The following WDR27 variants were observed in gnomAD, a reference collection of about 807,000 sequenced individuals.
WDR27 encodes WD repeat-containing protein 27.
WDR27 carries 100 observed loss-of-function variants against 114.4 expected under a neutral mutation model. The ratio of observed to expected loss-of-function variants is 0.87; its 90% CI spans 0.74 to 1.03. The LOEUF (loss-of-function observed/expected upper bound fraction) is 1.03. Among genes scored for constraint, WDR27 ranks in the 50% least tolerant of loss-of-function variants. The probability of loss-of-function intolerance (pLI) is 0.00; values close to 1 mark genes in which losing one functional copy is unlikely to be tolerated. For synonymous variants in WDR27, 449 were observed against 423.1 expected (o/e 1.06, Z -0.75); for missense variants, 1,129 against 1,092.9 (o/e 1.03, Z -0.47).
intron 17 of WDR27, among the ~76,000 whole-genome samples, chr6:169,641,651 A>G (rs376374971): frequency 6.6e-6 from 1 of 152,230 alleles, no homozygotes; most frequent in South Asian, 2.1e-4. Flanking sequence ...GGAGCAGAGC[A>G]GAAGCCACTC....
At chr6:169,573,949 G>C (rs1246069816) in intron 24 of WDR27, among the ~76,000 whole-genome samples, 1 of 152,248 alleles carries the variant, frequency 6.6e-6, no homozygotes, top group South Asian at 2.1e-4. Context: ...ATCTCAGCCA[G>C]GATAATTTAA....
chr6:169,618,661 C>T (rs911864812), intron 21 of WDR27, among the ~76,000 whole-genome samples: 1 of 140,446 alleles, frequency 7.1e-6, no homozygotes, highest in African/African-American at 2.6e-5. Flanking sequence ...ATTATTGATG[C>T]ATGACTAATG....
the WDR27 span, among the ~76,000 whole-genome samples, chr6:169,445,627 G>C: frequency 6.6e-6 from 1 of 152,236 alleles, no homozygotes. Context: ...TTGCCATGGA[G>C]CTTTCCTGTC....
At chr6:169,437,183 G>A in the WDR27 span, among the ~76,000 whole-genome samples, 1 of 152,256 alleles carries the variant, frequency 6.6e-6, no homozygotes, top group Admixed American at 6.5e-5. Flanking sequence ...AGCAAATCAT[G>A]GAGAGTTTAT....
chr6:169,537,704 T>G (rs988754745), intron 25 of WDR27, among the ~76,000 whole-genome samples: 8 of 152,160 alleles, frequency 5.3e-5, no homozygotes, highest in Non-Finnish European at 8.8e-5. Context: ...GAAGAATCAC[T>G]TGATCTGACC....
chr6:169,620,682 G>A (rs1323876672), intron 21 of WDR27, among the ~76,000 whole-genome samples: 3 of 152,086 alleles, frequency 2.0e-5, no homozygotes, highest in Non-Finnish European at 2.9e-5. Flanking sequence ...GCGGTGCCCC[G>A]ACCACCATCG....
chr6:169,462,514 G>GAAAGAAAGA, intron 25 of WDR27, among the ~76,000 whole-genome samples: 1 of 146,282 alleles, frequency 6.8e-6, no homozygotes, highest in Middle Eastern at 3.5e-3. Flanking sequence ...GAAAGAAAGA[G>GAAAGAAAGA]TAGATCCTAG....
chr6:169,644,413 T>G (rs373942857), intron 16 of WDR27, among the ~76,000 whole-genome samples: 88 of 102,444 alleles, frequency 8.6e-4, no homozygotes, highest in Middle Eastern at 8.6e-3. Flanking sequence ...CTGTCGAAAA[T>G]CCTAGTTCAC....
chr6:169,618,016 C>T (rs1812270335), intron 21 of WDR27, among the ~76,000 whole-genome samples: 1 of 152,146 alleles, frequency 6.6e-6, no homozygotes, highest in Admixed American at 6.5e-5. Context: ...TGTATCATTG[C>T]TTCTGAATGG....
chr6:169,484,830 C>T lies in WDR27; in HGVS notation c.2646-27196G>A, dbSNP rs1034481035. 6.6e-5 allele frequency among the ~76,000 whole-genome samples: 10 copies of T among 152,058 alleles called. No homozygotes were observed. The East Asian group carries it at 1.2e-3, about 18-fold the overall frequency. ...CTGGTATAAAAAGAGGCACAGAGAC[C>T]AATTGAACAGAATGGAGAGGCCAGA... On this transcript the variant is annotated intron_variant, in intron 25 of 25. Transcript: ENST00000448612.
chr6:169,457,518 A>T lies in WDR27; in HGVS notation c.*74T>A. The stretch of plus-strand genomic sequence containing the variant: ...GCTGCTTCTGGCCCCCTGATGGATG[A>T]ACCACTACTTCTTACTTTTAAGTTG... On this transcript the variant is annotated 3_prime_UTR_variant, in exon 26 of 26. Transcript: ENST00000448612. 7.5e-7 allele frequency: 1 copy of T among 1,339,680 alleles called. No homozygotes were observed. Among genetic ancestry groups the T allele is most frequent in the Non-Finnish European group, 1.0e-6 (1 of 982,054 alleles). 83.0% of individuals were successfully genotyped at this position (1,339,680 alleles called of 1,614,324 possible).
chr6:169,577,485 G>C (rs1802588986), intron 24 of WDR27, among the ~76,000 whole-genome samples: 1 of 150,430 alleles, frequency 6.6e-6, no homozygotes, highest in African/African-American at 2.4e-5. Flanking sequence ...TAACCACAGC[G>C]GGCAGGATAA....
intron 25 of WDR27, among the ~76,000 whole-genome samples, chr6:169,533,823 CTGTGTGTGTG>C (rs71008099): frequency 2.7e-5 from 4 of 149,912 alleles, no homozygotes; most frequent in Non-Finnish European, 4.5e-5. Flanking sequence ...GAAGGTAAGC[CTGTGTGTGTG>C]TGTGTGTGTG....
intron 25 of WDR27, among the ~76,000 whole-genome samples, chr6:169,555,626 G>A (rs1798762596): frequency 1.3e-5 from 2 of 152,122 alleles, no homozygotes; most frequent in South Asian, 4.1e-4. Flanking sequence ...TCTTAAGTGA[G>A]TAATTTTCCA....
intron 22 of WDR27, among the ~76,000 whole-genome samples, chr6:169,606,886 C>T (rs1039334745): frequency 2.6e-5 from 4 of 152,076 alleles, no homozygotes; most frequent in African/African-American, 9.7e-5. Flanking sequence ...GAGTAAATGC[C>T]ACATTGTCTT....
At chr6:169,607,099 A>G (rs1809356810) in intron 22 of WDR27, among the ~76,000 whole-genome samples, 1 of 152,206 alleles carries the variant, frequency 6.6e-6, no homozygotes, top group Non-Finnish European at 1.5e-5. Flanking sequence ...AGATACTGTC[A>G]AGGATGCAGG....
chr6:169,637,604 C>T (rs1463324668), intron 18 of WDR27, among the ~76,000 whole-genome samples: 14 of 150,886 alleles, frequency 9.3e-5, no homozygotes, highest in South Asian at 2.1e-4. Flanking sequence ...CATCTATATG[C>T]GTGTGAATAT....
intron 25 of WDR27, among the ~76,000 whole-genome samples, chr6:169,461,647 T>TAAA (rs143277767): frequency 2.3e-4 from 32 of 138,056 alleles, no homozygotes; most frequent in Middle Eastern, 3.8e-3. Context: ...ATGCTTGTAT[T>TAAA]AAAAAAAAAA....
intron 25 of WDR27, among the ~76,000 whole-genome samples, chr6:169,503,015 A>C (rs1288490476): frequency 6.6e-6 from 1 of 152,190 alleles, no homozygotes; most frequent in Non-Finnish European, 1.5e-5. Flanking sequence ...GAGGAAGATG[A>C]GGTGACCATC....
Sources: allele counts gnomAD v4.1 joint callset (sites outside exome capture counted in the v4.1 genomes callset), GRCh38; gene constraint gnomAD v4.1.1; transcripts MANE v1.5; gene names NCBI Gene and HGNC (gene_info 2026-07-23, HGNC 2026-07-21).